Variants in DYRK1A observed in about 807,000 individuals in gnomAD.
The protein encoded by DYRK1A is dual specificity tyrosine-phosphorylation-regulated kinase 1A.
DYRK1A carries 9 observed loss-of-function variants against 79.7 expected under a neutral mutation model. The ratio of observed to expected loss-of-function variants is 0.11; its 90% CI spans 0.07 to 0.20. DYRK1A has a LOEUF of 0.20. DYRK1A is among the 10% of genes least tolerant of loss of function. DYRK1A has a pLI of 1.00. For synonymous variants in DYRK1A, 349 were observed against 329.7 expected (o/e 1.06, Z -0.63); for missense variants, 622 against 956.0 (o/e 0.65, Z 4.61).
At chr21:37,474,540 T>C (rs2052333426) in intron 3 of DYRK1A, among the ~76,000 whole-genome samples, 1 of 152,190 alleles carries the variant, frequency 6.6e-6, no homozygotes, top group African/African-American at 2.4e-5. Flanking sequence ...AGTCTAGTCA[T>C]AGGACCTGGC....
At chr21:37,386,382 T>A (rs918100816) in intron 1 of DYRK1A, among the ~76,000 whole-genome samples, 1 of 152,194 alleles carries the variant, frequency 6.6e-6, no homozygotes, top group Admixed American at 6.5e-5. Flanking sequence ...AGACCGCTGC[T>A]GTAGAGCAAT....
chr21:37,455,561 G>A (rs758853997), intron 2 of DYRK1A, among the ~76,000 whole-genome samples: 6 of 152,016 alleles, frequency 3.9e-5, no homozygotes, highest in Non-Finnish European at 5.9e-5. Flanking sequence ...CTTATCTGTC[G>A]TCCGTATTGA....
At chr21:37,371,604 A>G (rs1002736853) in intron 1 of DYRK1A, among the ~76,000 whole-genome samples, 1 of 152,118 alleles carries the variant, frequency 6.6e-6, no homozygotes, top group Non-Finnish European at 1.5e-5. Context: ...CTAGAAAGCG[A>G]TATTTAAAAG....
intron 2 of DYRK1A, among the ~76,000 whole-genome samples, chr21:37,431,525 T>A (rs28630928): frequency 0.041 from 6,304 of 152,246 alleles, 182 homozygotes; most frequent in Middle Eastern, 0.082. Context: ...GCACTGTTTC[T>A]TCTGTCCTTG....
At position 37,512,527 on chromosome 21, in the gene DYRK1A, C is replaced by T. The variant is rs771118827; in HGVS notation, c.2261C>T (p.Ser754Leu). ...GTGCAACAGAGTCCTGTAGCTAGCT[C>T]GTGACTACATTGAAACTTGAGTTTG... ...VCVQQSPVASS is the reference protein window; with the variant it reads ...VCVQQSPVASL The change falls in exon 12 of 12, where the codon TCG becomes TTG. Residue 754 changes from serine to leucine, a missense_variant. By Grantham distance (145) the Ser-to-Leu change is moderately radical. Around this residue, in one of 5 missense-constraint regions of DYRK1A, gnomAD observed 292 missense variants for 316.7 expected, o/e 0.92. Coordinates refer to ENST00000647188, the MANE Select transcript of DYRK1A (RefSeq NM_001347721.2). 20 of 1,606,172 alleles carry T rather than the reference C, an allele frequency of 1.2e-5. No homozygotes were observed. Among genetic ancestry groups the T allele is most frequent in the South Asian group, 4.4e-5 (4 of 90,776 alleles).
chr21:37,406,007 G>A (rs2050139871), intron 1 of DYRK1A, among the ~76,000 whole-genome samples: 1 of 151,688 alleles, frequency 6.6e-6, no homozygotes, highest in Non-Finnish European at 1.5e-5. Context: ...AGTATGTATG[G>A]TCATTCCTCT....
chr21:37,494,773 C>A (rs1281649865), intron 8 of DYRK1A, among the ~76,000 whole-genome samples: 6 of 151,780 alleles, frequency 4.0e-5, no homozygotes, highest in Admixed American at 3.9e-4. Flanking sequence ...TATGGTGAAA[C>A]CCCGTCTCTA....
At chr21:37,488,885 A>G in intron 6 of DYRK1A, 1 of 984,708 alleles carries the variant, frequency 1.0e-6, no homozygotes, top group Non-Finnish European at 1.2e-6. Context: ...CTATGTTTTT[A>G]GTTTTAAACC....
At chr21:37,481,037 G>C in intron 5 of DYRK1A, 1 of 449,774 alleles carries the variant, frequency 2.2e-6, no homozygotes, top group Non-Finnish European at 3.9e-6. Flanking sequence ...AACTTTTATG[G>C]CTACCAAGTG....
intron 9 of DYRK1A, among the ~76,000 whole-genome samples, chr21:37,500,008 C>T (rs985989968): frequency 7.0e-4 from 106 of 152,306 alleles, no homozygotes; most frequent in African/African-American, 2.2e-3. Flanking sequence ...CCTTGTGGAG[C>T]TTGAGTATGT....
chr21:37,501,567 G>C (rs557320399), intron 9 of DYRK1A: 1 of 152,256 alleles, frequency 6.6e-6, no homozygotes. Flanking sequence ...CAAAATATTT[G>C]AGGATTTTCT....
chr21:37,394,737 T>A (rs1483241348), intron 1 of DYRK1A, among the ~76,000 whole-genome samples: 2 of 152,112 alleles, frequency 1.3e-5, no homozygotes, highest in Admixed American at 6.5e-5. Flanking sequence ...ATTTCCCACC[T>A]CCTCCTGTCC....
chr21:37,382,339 G>A (rs977763797), intron 1 of DYRK1A, among the ~76,000 whole-genome samples: 1 of 152,100 alleles, frequency 6.6e-6, no homozygotes. Context: ...CTCATGAAGC[G>A]TAAGCCACTG....
chr21:37,466,300 G>A (rs1466139423), intron 2 of DYRK1A, among the ~76,000 whole-genome samples: 1 of 152,172 alleles, frequency 6.6e-6, no homozygotes, highest in Non-Finnish European at 1.5e-5. Flanking sequence ...CAACATAGTG[G>A]ATGAGTTTAG....
intron 6 of DYRK1A, 52 bp downstream of exon 6, chr21:37,486,666 GA>G (rs752080531): frequency 1.5e-6 from 2 of 1,367,810 alleles, no homozygotes; most frequent in South Asian, 3.9e-5. Flanking sequence ...CCAAAACTTT[GA>G]GTTAATGGTT....
intron 1 of DYRK1A, among the ~76,000 whole-genome samples, chr21:37,385,567 G>A (rs889869109): frequency 3.3e-5 from 5 of 152,134 alleles, no homozygotes; most frequent in Admixed American, 2.6e-4. Context: ...CATTACCTTT[G>A]TTGTATTCTC....
intron 1 of DYRK1A, among the ~76,000 whole-genome samples, chr21:37,411,371 C>T (rs73216443): frequency 0.079 from 11,187 of 141,686 alleles, 626 homozygotes; most frequent in Non-Finnish European, 0.11. Context: ...CAACCCCCTC[C>T]CCCCCAAAAA....
chr21:37,493,094 T>C lies in DYRK1A; in HGVS notation c.1002T>C (p.Asp334=). The change falls in exon 8 of 12, where the codon GAT becomes GAC. Residue 334 remains aspartate, a synonymous_variant. Coordinates refer to ENST00000647188, the MANE Select transcript of DYRK1A (RefSeq NM_001347721.2). ...LLGMPYDLAI[D]MWSLGCILVE... ...GAATGCCTTATGACCTTGCCATTGA[T>C]ATGTGGTCCCTCGGGTGTATTTTGG... is the stretch of plus-strand genomic sequence containing the variant. The C allele has an allele frequency of 6.2e-7, 1 of 1,613,896 alleles. No individual in the cohort carries two copies. Among genetic ancestry groups the C allele is most frequent in the African/African-American group, 1.3e-5 (1 of 75,044 alleles).
intron 1 of DYRK1A, among the ~76,000 whole-genome samples, chr21:37,412,028 A>G (rs959992978): frequency 1.7e-4 from 26 of 152,228 alleles, no homozygotes; most frequent in Non-Finnish European, 1.5e-5. Context: ...CAAGTAGTAG[A>G]TAATACCACT....
Sources: allele counts gnomAD v4.1 joint callset (sites outside exome capture counted in the v4.1 genomes callset), GRCh38; gene constraint gnomAD v4.1.1; regional missense constraint gnomAD v4.1.1; transcripts MANE v1.5; gene names NCBI Gene and HGNC (gene_info 2026-07-23, HGNC 2026-07-21).